Variants in ENPP2 observed in about 807,000 individuals in gnomAD.
ENPP2 encodes autotaxin.
ENPP2 carries 51 observed loss-of-function variants against 120.2 expected under a neutral mutation model. That is an observed-to-expected ratio of 0.42 (90% CI 0.34 to 0.54). The LOEUF is 0.54. ENPP2 is among the 20% of genes least tolerant of loss of function. ENPP2 has a pLI of 0.04. For missense variants in ENPP2, 920 were observed against 1,066.5 expected (o/e 0.86, Z 1.91); for synonymous variants, 365 against 366.4 (o/e 1.00, Z 0.04).
chr8:119,564,931 A>G lies in ENPP2; in HGVS notation c.2156T>C (p.Val719Ala), dbSNP rs2129979980. Residue 719 changes from valine to alanine, a missense_variant, in exon 23 of 25, where the codon GTA (valine) becomes GCA (alanine). Physicochemically the swap from Val to Ala is moderately conservative, Grantham distance 64. Coordinates refer to ENST00000075322, the MANE Select transcript of ENPP2 (RefSeq NM_001040092.3). ...TTCCGAAGCATATTTCTTCACCAATACCCTTTGGAAATAATTCCAGACCCC... is the reference window on the plus strand; with the variant it reads ...TTCCGAAGCATATTTCTTCACCAATGCCCTTTGGAAATAATTCCAGACCCC... ...FKRVWNYFQR[V>A]LVKKYASERN... The G allele has an allele frequency of 1.2e-6, 2 of 1,613,302 alleles. No homozygotes were observed. The highest frequency in any genetic ancestry group is 1.7e-5 in the Admixed American group (1 of 59,924).
chr8:119,564,839 C>T lies in ENPP2; in HGVS notation c.2248G>A (p.Glu750Lys). The T allele has an allele frequency of 6.2e-7, 1 of 1,613,404 alleles. No individual in the cohort carries two copies. Among genetic ancestry groups the T allele is most frequent in the Non-Finnish European group, 8.5e-7 (1 of 1,179,644 alleles). ...DYDYDGLHDT[E>K]DKIKQYVEGS... is the part of the protein sequence containing the mutation. ...AACGCTTACTGTTTTATTTTGTCTT[C>T]TGTGTCATGTAAGCCATCATAGTCA... Residue 750 changes from glutamate (E) to lysine (K), a missense_variant, in exon 23 of 25, where the codon GAA (glutamate) becomes AAA (lysine). Transcript: ENST00000075322.
In ENPP2 at chr8:119,632,212, C is replaced by T. The variant is rs560767699; in HGVS notation, c.137-5492G>A. Reference sequence around the variant, plus strand: ...TTCAGATGTGTAACTTATTGAGAGGCGGGATGAAAACTGAAACATCAACAA... The same window carrying T: ...TTCAGATGTGTAACTTATTGAGAGGTGGGATGAAAACTGAAACATCAACAA... On this transcript the variant is annotated intron_variant, in intron 2 of 24. Coordinates refer to ENST00000075322, the MANE Select transcript of ENPP2 (RefSeq NM_001040092.3). 5.3e-5 allele frequency among the ~76,000 whole-genome samples: 8 copies of T among 152,226 alleles called. No homozygotes were observed. In the South Asian group the frequency reaches 1.0e-3, roughly 20 times the overall value.
At chr8:119,614,684 A>C (rs1222593736) in intron 8 of ENPP2, among the ~76,000 whole-genome samples, 2 of 152,216 alleles carry the variant, frequency 1.3e-5, no homozygotes, top group Non-Finnish European at 2.9e-5. Flanking sequence ...ATTACTATTT[A>C]TCTCTAATCC....
Position 119,586,179 on chromosome 8 carries a change from C to G in ENPP2, c.1367+7G>C. On this transcript the variant is annotated splice_region_variant and intron_variant, in intron 15 of 24. Transcript: ENST00000075322. ...TGAGAAACAGAAATAGCCCATATAC[C>G]AGTTACCTTGCAACATGCCATCTGC... is the stretch of plus-strand genomic sequence containing the variant. 6.2e-7 allele frequency: 1 copy of G among 1,613,590 alleles called. No individual in the cohort carries two copies. The highest frequency in any genetic ancestry group is 8.5e-7 in the Non-Finnish European group (1 of 1,179,762).
chr8:119,643,318 CAGGACTG>C, upstream of ENPP2, among the ~76,000 whole-genome samples: 1 of 152,096 alleles, frequency 6.6e-6, no homozygotes, highest in East Asian at 1.9e-4. Flanking sequence ...TCCCACAATC[CAGGACTG>C]CAAACATGTA....
At chr8:119,663,895 A>G (rs530460061) in intron 1 of ENPP2, among the ~76,000 whole-genome samples, 1 of 152,340 alleles carries the variant, frequency 6.6e-6, no homozygotes, top group South Asian at 2.1e-4. Context: ...TAATGATGGA[A>G]AAACTCGAAT....
chr8:119,596,056 C>G (rs1813874491), intron 11 of ENPP2: 3 of 1,551,202 alleles, frequency 1.9e-6, no homozygotes, highest in Non-Finnish European at 2.7e-6. Flanking sequence ...CCCTCTGAGT[C>G]AGATATAAAG....
intron 13 of ENPP2, 144 bp from the exon 14 acceptor site, chr8:119,587,219 T>G (rs1813177553): frequency 1.4e-5 from 10 of 701,894 alleles, no homozygotes; most frequent in Non-Finnish European, 2.5e-5. Context: ...GATAAATAAT[T>G]GTGTAGGGGT....
At chr8:119,664,433 G>T (rs1158974184) in intron 1 of ENPP2, among the ~76,000 whole-genome samples, 1 of 152,112 alleles carries the variant, frequency 6.6e-6, no homozygotes, top group Non-Finnish European at 1.5e-5. Flanking sequence ...CAGGGTCAAG[G>T]AGATAATGGA....
At chr8:119,562,430 T>TA (rs1253271470) in intron 24 of ENPP2, among the ~76,000 whole-genome samples, 1 of 152,024 alleles carries the variant, frequency 6.6e-6, no homozygotes, top group Non-Finnish European at 1.5e-5. Flanking sequence ...GCGACAGAGC[T>TA]AAAAAAGAAA....
chr8:119,577,172 C>T lies in ENPP2; in HGVS notation c.1780+2944G>A, dbSNP rs140114409. Among the ~76,000 whole-genome samples the T allele has an allele frequency of 7.6e-4, 116 of 152,292 alleles. 1 individual carries two copies. In the East Asian group the frequency reaches 0.019, roughly 25 times the overall value. On this transcript the variant is annotated intron_variant, in intron 19 of 24. Coordinates refer to ENST00000075322, the MANE Select transcript of ENPP2 (RefSeq NM_001040092.3). ...GACATATTCTGAAAAATATCAACTA[C>T]TTACATCTGTGTTTTAAAAAACTAA...
intron 9 of ENPP2, among the ~76,000 whole-genome samples, chr8:119,604,931 G>A (rs756300691): frequency 5.9e-5 from 9 of 151,824 alleles, no homozygotes; most frequent in Admixed American, 2.0e-4. Flanking sequence ...CCACCACCAC[G>A]CCTGGCTAAT....
At chr8:119,632,145 TC>T (rs1455808136) in intron 2 of ENPP2, among the ~76,000 whole-genome samples, 3 of 152,180 alleles carry the variant, frequency 2.0e-5, no homozygotes, top group Non-Finnish European at 2.9e-5. Flanking sequence ...TCTGTTGTCT[TC>T]CTTTACTTGA....
intron 8 of ENPP2, among the ~76,000 whole-genome samples, chr8:119,609,210 G>A (rs1203340670): frequency 6.6e-6 from 1 of 152,150 alleles, no homozygotes; most frequent in Non-Finnish European, 1.5e-5. Context: ...TACCTGCCCT[G>A]GGAAAGCTCG....
intron 24 of ENPP2, among the ~76,000 whole-genome samples, chr8:119,559,813 T>A (rs543533835): frequency 6.6e-6 from 1 of 152,334 alleles, no homozygotes; most frequent in East Asian, 1.9e-4. Flanking sequence ...CTGTCTTTTC[T>A]CCCTGACTTT....
rs766749228 is a variant in ENPP2, at chr8:119,617,149, C to T, written c.657+15G>A. 8 of 1,560,480 alleles carry T rather than the reference C, an allele frequency of 5.1e-6. No homozygotes were observed. The highest frequency in any genetic ancestry group is 1.7e-5 in the Admixed American group (1 of 59,892). On this transcript the variant is annotated intron_variant, in intron 7 of 24. Coordinates refer to ENST00000075322, the MANE Select transcript of ENPP2 (RefSeq NM_001040092.3). ...ATCAGCCCTTTGAATGTGTATCATT[C>T]GAAAAAATACTTACAGTGGCCAAAG...
chr8:119,592,276 C>T lies in ENPP2; in HGVS notation c.1081+1476G>A, dbSNP rs146212012. 3.9e-4 allele frequency among the ~76,000 whole-genome samples: 59 copies of T among 152,104 alleles called. 1 individual carries two copies. The East Asian group carries it at 6.8e-3, about 17-fold the overall frequency. On this transcript the variant is annotated intron_variant, in intron 12 of 24. Coordinates refer to ENST00000075322, the MANE Select transcript of ENPP2 (RefSeq NM_001040092.3). ...TCACCTGAGGCCAGGACTTCGAGAC[C>T]GGCCTGGCCAACATGGTGAAAGCCC...
chr8:119,629,950 A>C (rs1816544926), intron 2 of ENPP2, among the ~76,000 whole-genome samples: 1 of 152,184 alleles, frequency 6.6e-6, no homozygotes, highest in African/African-American at 2.4e-5. Flanking sequence ...CATTCCCACG[A>C]GCTGCTTAAA....
At chr8:119,636,135 C>A (rs7837894) in intron 2 of ENPP2, among the ~76,000 whole-genome samples, 45,967 of 152,100 alleles carry the variant, frequency 0.3, 8,045 homozygotes, top group African/African-American at 0.47. Flanking sequence ...GCCTCCTCCC[C>A]ACCTAGTGTC....
Sources: allele counts gnomAD v4.1 joint callset (sites outside exome capture counted in the v4.1 genomes callset), GRCh38; gene constraint gnomAD v4.1.1; transcripts MANE v1.5; gene names NCBI Gene and HGNC (gene_info 2026-07-23, HGNC 2026-07-21).